Variants in TWSG1 observed in about 807,000 individuals in gnomAD.
TWSG1 encodes the protein twisted gastrulation protein homolog 1.
TWSG1 carries 15 observed loss-of-function variants against 23.0 expected under a neutral mutation model. The observed-to-expected ratio is 0.65, with a 90% CI of 0.44 to 1.00. TWSG1 has a LOEUF of 1.00. Ranked by LOEUF, TWSG1 falls within the 50% of genes least tolerant of loss-of-function variation. The pLI, the probability that TWSG1 is intolerant of heterozygous loss-of-function variation, is 0.00. For missense variants in TWSG1, 242 were observed against 278.7 expected (o/e 0.87, Z 0.94); for synonymous variants, 86 against 92.8 (o/e 0.93, Z 0.42).
At chr18:9,385,887 G>A (rs1187741544) in intron 3 of TWSG1, among the ~76,000 whole-genome samples, 2 of 151,972 alleles carry the variant, frequency 1.3e-5, no homozygotes, top group Non-Finnish European at 2.9e-5. Flanking sequence ...ATTCAAATGG[G>A]GCCGGGCATG....
intron 3 of TWSG1, among the ~76,000 whole-genome samples, chr18:9,379,646 G>A (rs951135261): frequency 3.3e-5 from 5 of 151,938 alleles, no homozygotes; most frequent in Non-Finnish European, 5.9e-5. Flanking sequence ...ACCTGCACAA[G>A]TACCCCTGAA....
chr18:9,401,922 A>C lies in TWSG1; in HGVS notation c.*2395A>C, dbSNP rs1467140916. ...TAGGTTTTAAATCAGTGGGTATCAT[A>C]AAAGCCATATATAAAAGATCCTTTC... On this transcript the variant is annotated 3_prime_UTR_variant, in exon 5 of 5. Transcript: ENST00000262120. The C allele has an allele frequency of 6.6e-6, 1 of 152,158 alleles. No individual in the cohort carries two copies. The highest frequency in any genetic ancestry group is 1.5e-5 in the Non-Finnish European group (1 of 68,002). 9.4% of individuals were successfully genotyped at this position (152,158 alleles called of 1,614,324 possible). A position where few individuals can be genotyped will look rare whatever the true frequency, so the allele number is the denominator to read the frequency against.
At chr18:9,392,514 C>T (rs1358780862) in intron 3 of TWSG1, among the ~76,000 whole-genome samples, 1 of 152,188 alleles carries the variant, frequency 6.6e-6, no homozygotes, top group African/African-American at 2.4e-5. Flanking sequence ...CTATCCAGAC[C>T]ACTCAAACTT....
intron 3 of TWSG1, among the ~76,000 whole-genome samples, chr18:9,374,310 G>A (rs372956013): frequency 4.0e-5 from 6 of 151,786 alleles, no homozygotes; most frequent in African/African-American, 1.5e-4. Context: ...GAAAAAGAGA[G>A]GACACAAATT....
At chr18:9,356,839 G>C (rs1481512734) in intron 2 of TWSG1, among the ~76,000 whole-genome samples, 1 of 151,906 alleles carries the variant, frequency 6.6e-6, no homozygotes, top group Non-Finnish European at 1.5e-5. Context: ...TTGGTACCCA[G>C]CATTTCAGAT....
rs1181398504 is a variant in TWSG1 at position 9,360,212 on chromosome 18, T to G, written c.223+141T>G. 5.2e-6 allele frequency: 3 copies of G among 579,684 alleles called. No individual in the cohort carries two copies. In the African/African-American group the frequency reaches 5.6e-5, roughly 11 times the overall value. The allele number at this position is 579,684 out of a possible 1,614,324, so 35.9% of individuals were successfully genotyped here. A position where few individuals can be genotyped will look rare whatever the true frequency, so the allele number is the denominator to read the frequency against. On this transcript the variant is annotated intron_variant, in intron 3 of 4. Coordinates refer to ENST00000262120, the MANE Select transcript of TWSG1 (RefSeq NM_020648.6). ...TATAGTAAACATACAGAACATTGTA[T>G]TTTTACATTCAATTGTATTCAGTAG...
intron 3 of TWSG1, among the ~76,000 whole-genome samples, chr18:9,394,097 C>T (rs2040723994): frequency 6.6e-6 from 1 of 152,200 alleles, no homozygotes; most frequent in African/African-American, 2.4e-5. Flanking sequence ...GAGACATCTG[C>T]ACCTCTGTGT....
intron 3 of TWSG1, among the ~76,000 whole-genome samples, chr18:9,372,019 C>T (rs568269710): frequency 2.0e-4 from 30 of 152,146 alleles, no homozygotes; most frequent in African/African-American, 6.7e-4. Context: ...CCCTCCTTGG[C>T]CTCCCAAAGT....
In TWSG1 at chr18:9,344,531, A is replaced by ATGTAT. The variant is rs756535502; in HGVS notation, c.123+7180_123+7181insGTATT. 2.2e-4 allele frequency among the ~76,000 whole-genome samples: 22 copies of ATGTAT among 102,094 alleles called. 2 individuals carry two copies. The highest frequency in any genetic ancestry group is 8.1e-4 in the African/African-American group (22 of 27,048). The allele number at this position is 102,094 out of a possible 152,430, so 67.0% of individuals were successfully genotyped here. On this transcript the variant is annotated intron_variant, in intron 2 of 4. Coordinates refer to ENST00000262120, the MANE Select transcript of TWSG1 (RefSeq NM_020648.6). ...TGTGTGTGTGTGTGTGTATGTATGT[A>ATGTAT]TTTTTTTTTTTTTTTGAGAGAGGAT...
chr18:9,335,370 T>G (rs893276386), intron 1 of TWSG1, among the ~76,000 whole-genome samples: 8 of 152,250 alleles, frequency 5.3e-5, no homozygotes, highest in Admixed American at 2.6e-4. Flanking sequence ...CGAAACAATT[T>G]TGATGCATGA....
chr18:9,347,868 C>T (rs753938563), intron 2 of TWSG1, among the ~76,000 whole-genome samples: 2 of 151,962 alleles, frequency 1.3e-5, no homozygotes, highest in Non-Finnish European at 2.9e-5. Flanking sequence ...TTCAAGGATA[C>T]TTATTGGAAT....
intron 3 of TWSG1, among the ~76,000 whole-genome samples, chr18:9,378,206 A>C (rs908553416): frequency 6.6e-6 from 1 of 152,234 alleles, no homozygotes; most frequent in African/African-American, 2.4e-5. Context: ...TACAAAAACA[A>C]AACAAGGATG....
intron 2 of TWSG1, among the ~76,000 whole-genome samples, chr18:9,354,798 T>C (rs890116359): frequency 6.6e-6 from 1 of 152,188 alleles, no homozygotes; most frequent in African/African-American, 2.4e-5. Context: ...GGGAGGAATT[T>C]AGGGTTCTTT....
chr18:9,385,444 T>C lies in TWSG1; in HGVS notation c.224-10836T>C, dbSNP rs1191478470. Among the ~76,000 whole-genome samples the C allele has an allele frequency of 4.6e-5, 5 of 107,834 alleles. 2 individuals carry two copies. The highest frequency in any genetic ancestry group is 9.8e-5 in the Non-Finnish European group (5 of 51,182). 70.7% of individuals were successfully genotyped at this position (107,834 alleles called of 152,430 possible). ...TGGCTCACGCCTGTAATCCCAGCACTTTGGGAGGCCGAGGCGGGTGGATCA... is the reference window on the plus strand; with the variant it reads ...TGGCTCACGCCTGTAATCCCAGCACCTTGGGAGGCCGAGGCGGGTGGATCA... On this transcript the variant is annotated intron_variant, in intron 3 of 4. Transcript: ENST00000262120.
At chr18:9,368,194 T>G (rs939244937) in intron 3 of TWSG1, among the ~76,000 whole-genome samples, 1 of 147,264 alleles carries the variant, frequency 6.8e-6, no homozygotes, top group African/African-American at 2.6e-5. Context: ...TATTGTGGTG[T>G]TTTTTTTGTT....
intron 3 of TWSG1, among the ~76,000 whole-genome samples, chr18:9,393,040 C>G (rs911720290): frequency 1.3e-5 from 2 of 152,162 alleles, no homozygotes; most frequent in African/African-American, 4.8e-5. Context: ...ATCGCCATAA[C>G]TGTTATAATA....
At chr18:9,367,572 T>C (rs1490495888) in intron 3 of TWSG1, among the ~76,000 whole-genome samples, 6 of 152,120 alleles carry the variant, frequency 3.9e-5, no homozygotes, top group Non-Finnish European at 8.8e-5. Context: ...CCGGGCCACA[T>C]AGAAGGAGGT....
intron 3 of TWSG1, among the ~76,000 whole-genome samples, chr18:9,360,461 A>G (rs951610951): frequency 2.0e-5 from 3 of 152,200 alleles, no homozygotes; most frequent in Non-Finnish European, 4.4e-5. Flanking sequence ...ATGTTTATAG[A>G]ATGCTATCAT....
Position 9,401,776 on chromosome 18 carries a change from G to A in TWSG1, c.*2249G>A, listed in dbSNP as rs1049364289. The A allele has an allele frequency of 1.3e-5, 2 of 152,156 alleles. No individual in the cohort carries two copies. The highest frequency in any genetic ancestry group is 2.9e-5 in the Non-Finnish European group (2 of 68,028). The allele number at this position is 152,156 out of a possible 1,614,324, so 9.4% of individuals were successfully genotyped here. A position where few individuals can be genotyped will look rare whatever the true frequency, so the allele number is the denominator to read the frequency against. The stretch of plus-strand genomic sequence containing the variant: ...AAGTTGATAGCCTGGTTAAAAGTTA[G>A]ATCCTCTATTACCATTCTAAGCACA... On this transcript the variant is annotated 3_prime_UTR_variant, in exon 5 of 5. Coordinates refer to ENST00000262120, the MANE Select transcript of TWSG1 (RefSeq NM_020648.6).
Sources: allele counts gnomAD v4.1 joint callset (sites outside exome capture counted in the v4.1 genomes callset), GRCh38; gene constraint gnomAD v4.1.1; transcripts MANE v1.5; gene names NCBI Gene and HGNC (gene_info 2026-07-23, HGNC 2026-07-21).